Variants in RGS7 observed in about 807,000 individuals in gnomAD.
RGS7 encodes regulator of G-protein signaling 7.
Under a neutral mutation model 81.1 loss-of-function variants are expected in RGS7, and 27 were observed. The ratio of observed to expected loss-of-function variants is 0.33; its 90% CI spans 0.25 to 0.46. The LOEUF is 0.46. RGS7 is among the 20% of genes least tolerant of loss of function. The pLI is 1.00. For synonymous variants in RGS7, 208 were observed against 207.7 expected (o/e 1.00, Z -0.01); for missense variants, 396 against 607.4 (o/e 0.65, Z 3.66).
In RGS7 at chr1:240,944,605, C is replaced by T. The variant is rs138166898; in HGVS notation, c.227-7899G>A. On this transcript the variant is annotated intron_variant, in intron 4 of 18. Coordinates refer to ENST00000440928, the MANE Select transcript of RGS7 (RefSeq NM_001364886.1). ...ATTTCTTCAAATCAGAGAGAGCACA[C>T]ACTGCCAAACAAGCACATGTGGAAA... 3.3e-3 allele frequency among the ~76,000 whole-genome samples: 500 copies of T among 152,126 alleles called. 5 individuals carry two copies. The highest frequency in any genetic ancestry group is 0.012 in the African/African-American group (489 of 41,500).
chr1:241,095,538 C>T (rs887407129), intron 3 of RGS7, among the ~76,000 whole-genome samples: 2 of 152,022 alleles, frequency 1.3e-5, no homozygotes, highest in Admixed American at 6.6e-5. Context: ...GCCTGTGGTC[C>T]CAGCTACTTG....
At chr1:241,099,007 C>G (rs555625847) in intron 2 of RGS7, among the ~76,000 whole-genome samples, 1 of 152,254 alleles carries the variant, frequency 6.6e-6, no homozygotes, top group Non-Finnish European at 1.5e-5. Flanking sequence ...TTGAATATTG[C>G]CTTTCTCCTG....
At chr1:240,807,372 T>C (rs574266403) in intron 14 of RGS7, among the ~76,000 whole-genome samples, 1 of 152,254 alleles carries the variant, frequency 6.6e-6, no homozygotes, top group African/African-American at 2.4e-5. Flanking sequence ...ACTGCTCTAA[T>C]AGTAGACGAA....
rs1326503821 is a variant in RGS7, at chr1:240,877,493, A to G, written c.386-7374T>C. 2.6e-5 allele frequency among the ~76,000 whole-genome samples: 4 copies of G among 152,086 alleles called. No homozygotes were observed. The East Asian group carries it at 7.7e-4, about 29-fold the overall frequency. On this transcript the variant is annotated intron_variant, in intron 6 of 18. Coordinates refer to ENST00000440928, the MANE Select transcript of RGS7 (RefSeq NM_001364886.1). ...CATATATTTATTTTAAGTGTGCTCA[A>G]AACTGTACCACACATGCTGTATTAT...
rs144009082 is a variant in RGS7, at chr1:241,196,599, A to G, written c.79-97837T>C. On this transcript the variant is annotated intron_variant, in intron 2 of 18. Transcript: ENST00000440928. ...GATTAAAATATTTAAAAGATTAAAT[A>G]AGGTGATACAATTTATTGAAGAACA... Among the ~76,000 whole-genome samples, 213 of 152,208 alleles carry G rather than the reference A, an allele frequency of 1.4e-3. 10 individuals are homozygous for G. The East Asian group carries it at 0.027, about 19-fold the overall frequency.
chr1:241,352,107 A>C (rs2083284790), intron 2 of RGS7, among the ~76,000 whole-genome samples: 1 of 152,206 alleles, frequency 6.6e-6, no homozygotes, highest in Admixed American at 6.5e-5. Context: ...CTTTACGGCC[A>C]GTGCTGCCCC....
chr1:241,295,622 G>A (rs1053925279), intron 2 of RGS7, among the ~76,000 whole-genome samples: 1 of 152,180 alleles, frequency 6.6e-6, no homozygotes, highest in Admixed American at 6.5e-5. Flanking sequence ...TGAGAGCAAA[G>A]AAAGGGCCTT....
chr1:240,899,009 A>G (rs12748308), intron 6 of RGS7, among the ~76,000 whole-genome samples: 19,433 of 152,014 alleles, frequency 0.13, 1,355 homozygotes, highest in Middle Eastern at 0.18. Flanking sequence ...AGCTCTTCTT[A>G]TTGAATTGAT....
At chr1:241,142,841 A>T (rs939921505) in intron 2 of RGS7, among the ~76,000 whole-genome samples, 14 of 152,200 alleles carry the variant, frequency 9.2e-5, no homozygotes, top group African/African-American at 1.7e-4. Flanking sequence ...CATGTTGTCA[A>T]GCTGCGAATT....
chr1:240,837,246 C>T (rs928194979), intron 9 of RGS7, among the ~76,000 whole-genome samples: 6 of 152,184 alleles, frequency 3.9e-5, no homozygotes, highest in African/African-American at 1.4e-4. Flanking sequence ...GGCAAGTAAG[C>T]GTGGACACTT....
chr1:240,823,984 A>G (rs112824632), intron 10 of RGS7, among the ~76,000 whole-genome samples: 1 of 152,238 alleles, frequency 6.6e-6, no homozygotes, highest in African/African-American at 2.4e-5. Flanking sequence ...CTACATTATC[A>G]TTCTTTCACA....
At chr1:241,237,007 G>A (rs761201712) in intron 2 of RGS7, among the ~76,000 whole-genome samples, 1 of 152,184 alleles carries the variant, frequency 6.6e-6, no homozygotes, top group Non-Finnish European at 1.5e-5. Flanking sequence ...AATGTACAGC[G>A]AGCCCTTGTT....
intron 4 of RGS7, among the ~76,000 whole-genome samples, chr1:240,948,101 C>T (rs261799): frequency 0.16 from 23,922 of 152,080 alleles, 2,341 homozygotes; most frequent in African/African-American, 0.28. Context: ...TAGAAGACCG[C>T]GTATCTTTTA....
chr1:240,812,718 C>T (rs760004501), intron 13 of RGS7, among the ~76,000 whole-genome samples: 14 of 152,016 alleles, frequency 9.2e-5, no homozygotes, highest in Non-Finnish European at 1.6e-4. Flanking sequence ...TACAGGTGTG[C>T]GCCACCATGC....
In RGS7 at chr1:240,813,705, T is replaced by C. The variant is rs1473340373; in HGVS notation, c.869A>G (p.Tyr290Cys). The stretch of plus-strand genomic sequence containing the variant: ...CAAAAGAAACGGGTCGTATTCTAAA[T>C]ACTGTTCCGTGTAACTTAGTAGACT... ...ADSLLSYTEQ[Y>C]LEYDPFLLPP... The change falls in exon 13 of 19, where the codon TAT becomes TGT. Residue 290 changes from tyrosine to cysteine, a missense_variant. Physicochemically the swap from Tyr to Cys is radical, Grantham distance 194 (BLOSUM62 -2). Transcript: ENST00000440928. 3 of 1,612,628 alleles carry C rather than the reference T, an allele frequency of 1.9e-6. No individual in the cohort carries two copies. The highest frequency in any genetic ancestry group is 1.7e-5 in the Admixed American group (1 of 60,026).
chr1:240,888,641 C>T (rs1358020906), intron 6 of RGS7, among the ~76,000 whole-genome samples: 1 of 152,172 alleles, frequency 6.6e-6, no homozygotes, highest in Non-Finnish European at 1.5e-5. Flanking sequence ...AAGAACTATT[C>T]AAGAATTTCA....
intron 2 of RGS7, among the ~76,000 whole-genome samples, chr1:241,344,814 A>G (rs1287261997): frequency 1.3e-5 from 2 of 152,184 alleles, no homozygotes; most frequent in South Asian, 2.1e-4. Flanking sequence ...GCTTAGGTCA[A>G]TTTAGTTCAT....
chr1:241,012,394 G>C (rs747932517), intron 3 of RGS7, among the ~76,000 whole-genome samples: 1 of 152,074 alleles, frequency 6.6e-6, no homozygotes, highest in South Asian at 2.1e-4. Context: ...GGAAGGCAGA[G>C]GGAAAGTAGA....
At chr1:240,858,371 T>C (rs1013779048) in intron 9 of RGS7, among the ~76,000 whole-genome samples, 2 of 152,182 alleles carry the variant, frequency 1.3e-5, no homozygotes, top group African/African-American at 4.8e-5. Flanking sequence ...AGAATGAGAG[T>C]TCCTGATGTT....
Sources: allele counts gnomAD v4.1 joint callset (sites outside exome capture counted in the v4.1 genomes callset), GRCh38; gene constraint gnomAD v4.1.1; transcripts MANE v1.5; gene names NCBI Gene and HGNC (gene_info 2026-07-23, HGNC 2026-07-21).